The following LMLN variants were observed in gnomAD, a reference collection of about 807,000 sequenced individuals.
LMLN encodes the protein leishmanolysin like peptidase.
Under a neutral mutation model 92.3 loss-of-function variants are expected in LMLN, and 70 were observed. The ratio of observed to expected loss-of-function variants is 0.76; its 90% CI spans 0.63 to 0.92. The LOEUF is 0.92. LMLN is among the 40% of genes least tolerant of loss of function. The pLI is 0.00. For missense variants in LMLN, 691 were observed against 814.6 expected (o/e 0.85, Z 1.85); for synonymous variants, 308 against 296.2 (o/e 1.04, Z -0.41).
At chr3:198,028,881 G>T (rs998210477) in intron 14 of LMLN, among the ~76,000 whole-genome samples, 1 of 152,212 alleles carries the variant, frequency 6.6e-6, no homozygotes, top group Non-Finnish European at 1.5e-5. Context: ...TACACCAATA[G>T]TATCAAGTTA....
intron 7 of LMLN, among the ~76,000 whole-genome samples, chr3:197,985,260 A>T (rs1721672163): frequency 6.6e-6 from 1 of 152,024 alleles, no homozygotes; most frequent in Non-Finnish European, 1.5e-5. Context: ...AGCTTCTCAA[A>T]AAAGGAAGAA....
At chr3:197,963,577 AGTT>A (rs1435573867) in intron 1 of LMLN, among the ~76,000 whole-genome samples, 1 of 152,194 alleles carries the variant, frequency 6.6e-6, no homozygotes, top group Non-Finnish European at 1.5e-5. Flanking sequence ...AAAGTTTTCC[AGTT>A]GTTTGCTGCT....
intron 8 of LMLN, among the ~76,000 whole-genome samples, chr3:197,987,383 T>G (rs1306941741): frequency 6.6e-6 from 1 of 151,550 alleles, no homozygotes; most frequent in East Asian, 1.9e-4. Context: ...ATGATCTCGA[T>G]CTGCTGACCT....
chr3:197,995,578 G>C (rs914573380), intron 9 of LMLN, among the ~76,000 whole-genome samples: 12 of 152,222 alleles, frequency 7.9e-5, no homozygotes, highest in Admixed American at 2.6e-4. Context: ...AGGCTGGGGT[G>C]GGGGGAGATG....
At chr3:198,036,089 G>T in intron 15 of LMLN, 46 bp downstream of exon 16, 1 of 1,507,296 alleles carries the variant, frequency 6.6e-7, no homozygotes, top group Non-Finnish European at 9.2e-7. Flanking sequence ...AGTGAAGGAG[G>T]TGAACTTCTC....
chr3:197,966,950 C>T (rs1348691216), intron 1 of LMLN, among the ~76,000 whole-genome samples: 1 of 152,076 alleles, frequency 6.6e-6, no homozygotes. Flanking sequence ...AGAGCCACCA[C>T]ACCTGGTTCA....
intron 11 of LMLN, among the ~76,000 whole-genome samples, chr3:198,009,360 A>G (rs1029220920): frequency 6.6e-6 from 1 of 152,208 alleles, no homozygotes; most frequent in Non-Finnish European, 1.5e-5. Context: ...TTCATAGAGT[A>G]CTGATTCCTT....
chr3:198,028,053 A>C (rs1722982356), intron 14 of LMLN, among the ~76,000 whole-genome samples: 1 of 152,170 alleles, frequency 6.6e-6, no homozygotes. Flanking sequence ...TGGAAGGTAC[A>C]GAGAGTTCCC....
intron 15 of LMLN, 46 bp downstream of exon 16, chr3:198,036,089 G>C: frequency 2.0e-6 from 3 of 1,507,294 alleles, no homozygotes; most frequent in Non-Finnish European, 2.8e-6. Context: ...AGTGAAGGAG[G>C]TGAACTTCTC....
At chr3:197,976,002 TTC>T (rs770157213) in intron 3 of LMLN, 25 bp from the exon 4 acceptor site, 1 of 1,341,400 alleles carries the variant, frequency 7.5e-7, no homozygotes, top group African/African-American at 1.5e-5. Flanking sequence ...ATAATTCTGT[TTC>T]TTTTTTTTTT....
At chr3:197,976,340 G>C in intron 4 of LMLN, 1 of 481,034 alleles carries the variant, frequency 2.1e-6, no homozygotes. Flanking sequence ...GGGTGTAGTT[G>C]TCCCCTGTTC....
chr3:198,021,689 C>G, intron 13 of LMLN, 84 bp downstream of exon 14: 1 of 1,221,096 alleles, frequency 8.2e-7, no homozygotes, highest in Non-Finnish European at 1.2e-6. Flanking sequence ...GGGCACAGAC[C>G]CTAGAGCAGG....
At chr3:198,021,362 G>T in intron 12 of LMLN, 84 bp from the exon 14 acceptor site, 1 of 1,158,128 alleles carries the variant, frequency 8.6e-7, no homozygotes, top group Non-Finnish European at 1.3e-6. Flanking sequence ...GGCATTAAAG[G>T]GTTGCGAGAA....
At chr3:198,027,786 C>T (rs1295116543) in intron 14 of LMLN, among the ~76,000 whole-genome samples, 1 of 152,192 alleles carries the variant, frequency 6.6e-6, no homozygotes, top group East Asian at 1.9e-4. Flanking sequence ...CGTTTGTGTC[C>T]ACCTCTTGGC....
chr3:197,980,243 G>A, intron 5 of LMLN, 83 bp from the exon 6 acceptor site: 1 of 1,145,840 alleles, frequency 8.7e-7, no homozygotes, highest in South Asian at 1.4e-5. Flanking sequence ...TGTGTTTATA[G>A]TGTAGATTTT....
intron 11 of LMLN, among the ~76,000 whole-genome samples, chr3:198,013,948 C>A (rs370058860): frequency 7.3e-4 from 31 of 42,746 alleles, no homozygotes; most frequent in South Asian, 4.2e-3. Flanking sequence ...CTCTCCACCC[C>A]TCAGAGCCCC....
intron 6 of LMLN, among the ~76,000 whole-genome samples, chr3:197,983,643 T>C (rs560121293): frequency 1.2e-3 from 183 of 152,220 alleles, no homozygotes; most frequent in Non-Finnish European, 1.9e-3. Flanking sequence ...ATTTTGCAAC[T>C]AAAATAGTGT....
chr3:197,997,019 T>C (rs1372559568), intron 10 of LMLN, among the ~76,000 whole-genome samples: 1 of 140,472 alleles, frequency 7.1e-6, no homozygotes, highest in African/African-American at 3.2e-5. Flanking sequence ...TCTTTTCCTT[T>C]CTTTTCTTTT....
At chr3:197,965,651 A>T (rs747067515) in intron 1 of LMLN, among the ~76,000 whole-genome samples, 5 of 152,246 alleles carry the variant, frequency 3.3e-5, no homozygotes, top group Non-Finnish European at 7.3e-5. Context: ...ACAGTCACTC[A>T]TGCCTATAAG....
Sources: gnomAD v4.1 joint callset for allele counts (sites outside exome capture counted in the v4.1 genomes callset) on GRCh38, gnomAD v4.1.1 for gene constraint, MANE v1.5 for transcripts, NCBI Gene and HGNC (gene_info 2026-07-23, HGNC 2026-07-21) for gene names.